The following GRM8 variants were observed in gnomAD, a reference collection of about 807,000 sequenced individuals.
GRM8 encodes the protein metabotropic glutamate receptor 8.
GRM8 carries 47 observed loss-of-function variants against 87.2 expected under a neutral mutation model. The ratio of observed to expected loss-of-function variants is 0.54; its 90% confidence interval spans 0.43 to 0.69. The LOEUF is 0.69. Among genes scored for constraint, GRM8 ranks in the 30% least tolerant of loss-of-function variants. The pLI is 0.00. For synonymous variants in GRM8, 396 were observed against 404.5 expected (o/e 0.98, Z 0.25); for missense variants, 1,019 against 1,139.2 (o/e 0.89, Z 1.52).
intron 7 of GRM8, among the ~76,000 whole-genome samples, chr7:126,623,189 T>C (rs963633588): frequency 6.6e-6 from 1 of 152,196 alleles, no homozygotes; most frequent in Non-Finnish European, 1.5e-5. Context: ...ACCACATTCA[T>C]ACAAGATGTT....
chr7:126,656,681 T>TA (rs1284545871), intron 7 of GRM8, among the ~76,000 whole-genome samples: 1 of 151,018 alleles, frequency 6.6e-6, no homozygotes, highest in Admixed American at 6.6e-5. Flanking sequence ...AATAAAAAAA[T>TA]AAAAAAACAA....
intron 3 of GRM8, among the ~76,000 whole-genome samples, chr7:126,990,041 A>G (rs535610760): frequency 1.3e-5 from 2 of 152,226 alleles, no homozygotes; most frequent in Non-Finnish European, 2.9e-5. Context: ...GAAGTAAAAT[A>G]TTCTCCTTTA....
chr7:127,134,233 A>C (rs995842449), intron 2 of GRM8, among the ~76,000 whole-genome samples: 6 of 152,240 alleles, frequency 3.9e-5, no homozygotes, highest in Non-Finnish European at 7.3e-5. Context: ...GGGCAAATCA[A>C]GAACTTGTTG....
At chr7:127,244,142 G>C (rs994072152) in intron 1 of GRM8, among the ~76,000 whole-genome samples, 1 of 152,126 alleles carries the variant, frequency 6.6e-6, no homozygotes, top group Non-Finnish European at 1.5e-5. Context: ...AGAAAACAAA[G>C]ACTTGAAAAT....
intron 3 of GRM8, among the ~76,000 whole-genome samples, chr7:126,915,023 T>A (rs1803743163): frequency 6.6e-6 from 1 of 152,192 alleles, no homozygotes; most frequent in South Asian, 2.1e-4. Flanking sequence ...CTCAGAGAGA[T>A]GCTGTGATCT....
At chr7:126,832,067 C>T (rs931014371) in intron 6 of GRM8, among the ~76,000 whole-genome samples, 1 of 151,356 alleles carries the variant, frequency 6.6e-6, no homozygotes, top group Non-Finnish European at 1.5e-5. Flanking sequence ...TATTGTGTAC[C>T]TACTATGTGC....
chr7:126,937,292 A>G (rs1248286974), intron 3 of GRM8, among the ~76,000 whole-genome samples: 1 of 152,216 alleles, frequency 6.6e-6, no homozygotes, highest in Non-Finnish European at 1.5e-5. Flanking sequence ...TAAATAAGCT[A>G]CAAAGCCAAT....
intron 8 of GRM8, among the ~76,000 whole-genome samples, chr7:126,575,867 G>A (rs1795070700): frequency 6.6e-6 from 1 of 151,902 alleles, no homozygotes; most frequent in Non-Finnish European, 1.5e-5. Context: ...GCAATTTTTG[G>A]TCTTGAACCC....
chr7:127,097,961 T>C (rs1446774530), intron 3 of GRM8, among the ~76,000 whole-genome samples: 1 of 152,230 alleles, frequency 6.6e-6, no homozygotes, highest in East Asian at 1.9e-4. Flanking sequence ...AAGCCCTAAA[T>C]ATTAGGAATG....
At chr7:126,452,877 A>G (rs1441188543) in intron 9 of GRM8, among the ~76,000 whole-genome samples, 2 of 151,728 alleles carry the variant, frequency 1.3e-5, no homozygotes, top group East Asian at 3.9e-4. Flanking sequence ...AAATCAAAGG[A>G]TTTAGTGAGA....
intron 2 of GRM8, among the ~76,000 whole-genome samples, chr7:127,197,832 A>G: frequency 6.6e-6 from 1 of 152,206 alleles, no homozygotes; most frequent in Non-Finnish European, 1.5e-5. Flanking sequence ...GGGCACAGAA[A>G]GTGGGCAAAG....
At chr7:127,002,487 T>C (rs1006831700) in intron 3 of GRM8, among the ~76,000 whole-genome samples, 8 of 151,710 alleles carry the variant, frequency 5.3e-5, no homozygotes, top group African/African-American at 1.9e-4. Flanking sequence ...GAGAACACTA[T>C]ATGACATCTT....
intron 7 of GRM8, among the ~76,000 whole-genome samples, chr7:126,700,961 C>T (rs1809855971): frequency 6.6e-6 from 1 of 152,128 alleles, no homozygotes; most frequent in African/African-American, 2.4e-5. Context: ...TGCCTCATTA[C>T]TTGATCCCTC....
intron 3 of GRM8, among the ~76,000 whole-genome samples, chr7:127,078,801 T>C (rs1048038940): frequency 1.3e-5 from 2 of 152,254 alleles, no homozygotes; most frequent in Non-Finnish European, 2.9e-5. Flanking sequence ...TTTTCTTGAC[T>C]AAGGATACGT....
At chr7:126,596,739 C>T (rs75219420) in intron 8 of GRM8, among the ~76,000 whole-genome samples, 17 of 152,186 alleles carry the variant, frequency 1.1e-4, no homozygotes, top group African/African-American at 3.9e-4. Context: ...TATGCACTCA[C>T]ACACACAGAG....
intron 3 of GRM8, among the ~76,000 whole-genome samples, chr7:126,944,373 G>T (rs376352729): frequency 2.4e-4 from 36 of 152,290 alleles, no homozygotes; most frequent in African/African-American, 7.7e-4. Flanking sequence ...CCTAGAGGCT[G>T]GGCCTGGAGT....
At chr7:127,010,777 G>A (rs979082013) in intron 3 of GRM8, among the ~76,000 whole-genome samples, 1 of 152,074 alleles carries the variant, frequency 6.6e-6, no homozygotes, top group African/African-American at 2.4e-5. Context: ...CCAACACAGT[G>A]AGCCAGATTT....
intron 3 of GRM8, among the ~76,000 whole-genome samples, chr7:126,914,215 C>G (rs544423570): frequency 1.3e-5 from 2 of 152,292 alleles, no homozygotes; most frequent in South Asian, 4.2e-4. Context: ...GTCAAAACCA[C>G]TATGAGACAT....
At chr7:127,052,461 T>C (rs1819587272) in intron 3 of GRM8, among the ~76,000 whole-genome samples, 1 of 152,218 alleles carries the variant, frequency 6.6e-6, no homozygotes, top group Non-Finnish European at 1.5e-5. Flanking sequence ...GCAGGAATTG[T>C]AGAACCTGTG....
Sources: allele counts gnomAD v4.1 joint callset (sites outside exome capture counted in the v4.1 genomes callset), GRCh38; gene constraint gnomAD v4.1.1; transcripts MANE v1.5; gene names NCBI Gene and HGNC (gene_info 2026-07-23, HGNC 2026-07-21).